The following TRAPPC9 variants were observed in gnomAD, a reference collection of about 807,000 sequenced individuals.
The protein encoded by TRAPPC9 is trafficking protein particle complex subunit 9, also known as IKK2 binding protein.
Under a neutral mutation model 124.0 loss-of-function variants are expected in TRAPPC9, and 83 were observed. The ratio of observed to expected loss-of-function variants is 0.67; its 90% CI spans 0.56 to 0.80. The LOEUF (loss-of-function observed/expected upper bound fraction) is 0.80, where lower values mean the gene tolerates loss of function less well. Ranked by LOEUF, TRAPPC9 falls within the 30% of genes least tolerant of loss-of-function variation. The pLI is 0.00. For missense variants in TRAPPC9, 1,302 were observed against 1,508.3 expected, an observed-to-expected ratio of 0.86 and a Z score of 2.27; for synonymous variants, 638 against 617.5, an observed-to-expected ratio of 1.03 and a Z score of -0.49.
At chr8:140,378,932 AG>A (rs755545713) in intron 7 of TRAPPC9, among the ~76,000 whole-genome samples, 13 of 152,114 alleles carry the variant, frequency 8.5e-5, no homozygotes, top group Non-Finnish European at 1.5e-4. Context: ...GCATTTTGAA[AG>A]ATGTTGGGGA....
At chr8:140,226,303 C>T (rs1373158052) in intron 16 of TRAPPC9, among the ~76,000 whole-genome samples, 1 of 152,064 alleles carries the variant, frequency 6.6e-6, no homozygotes, top group East Asian at 1.9e-4. Flanking sequence ...TATAAAGATC[C>T]AGCTATGGGC....
intron 9 of TRAPPC9, among the ~76,000 whole-genome samples, chr8:140,333,070 G>T (rs2066936517): frequency 6.6e-6 from 1 of 150,542 alleles, no homozygotes; most frequent in Non-Finnish European, 1.5e-5. Context: ...AGGTTGCAGT[G>T]AGCCGAGATC....
intron 9 of TRAPPC9, among the ~76,000 whole-genome samples, chr8:140,357,544 T>C (rs1336275305): frequency 6.6e-6 from 1 of 151,596 alleles, no homozygotes; most frequent in East Asian, 1.9e-4. Context: ...GTCCAGGCAC[T>C]ACCTCTTTAG....
intron 18 of TRAPPC9, among the ~76,000 whole-genome samples, chr8:140,023,475 C>A (rs543985126): frequency 7.9e-5 from 12 of 152,306 alleles, no homozygotes; most frequent in African/African-American, 2.6e-4. Flanking sequence ...CAGAAATGAC[C>A]TGATGCCAAG....
rs113990248 is a variant in TRAPPC9, at chr8:140,368,564, G to A, written c.1351+2400C>T. On this transcript the variant is annotated intron_variant, in intron 8 of 22. Transcript: ENST00000438773. Reference sequence around the variant, plus strand: ...CCTGAACACATCTGCTTCACGCAGGGCCTTAGCTCTTCCTGGCATAGCTTC... The same window carrying A: ...CCTGAACACATCTGCTTCACGCAGGACCTTAGCTCTTCCTGGCATAGCTTC... 4.6e-3 allele frequency among the ~76,000 whole-genome samples: 701 copies of A among 152,266 alleles called. 8 individuals carry two copies. The highest frequency in any genetic ancestry group is 0.016 in the African/African-American group (661 of 41,538).
rs548698796 is a variant in TRAPPC9 at position 140,153,978 on chromosome 8, C to T, written c.2556+67481G>A. On this transcript the variant is annotated intron_variant, in intron 17 of 22. Transcript: ENST00000438773. ...CTTGAACACCCTTCCCTACTATTTA[C>T]CTGGAAACCACCCAATCATTTTCTC... 2.6e-5 allele frequency among the ~76,000 whole-genome samples: 4 copies of T among 152,280 alleles called. No homozygotes were observed. In the South Asian group the frequency reaches 8.3e-4, roughly 32 times the overall value.
chr8:140,286,994 G>T (rs1476262246), intron 13 of TRAPPC9, among the ~76,000 whole-genome samples: 1 of 152,102 alleles, frequency 6.6e-6, no homozygotes, highest in African/African-American at 2.4e-5. Context: ...AAACAGAAGG[G>T]CCAGAGAGGC....
chr8:140,060,568 C>T (rs1402996417), intron 17 of TRAPPC9, among the ~76,000 whole-genome samples: 1 of 151,522 alleles, frequency 6.6e-6, no homozygotes, highest in African/African-American at 2.4e-5. Flanking sequence ...CCGTCCCAAC[C>T]CAGCCCTACC....
chr8:140,299,780 C>G (rs140684398), intron 11 of TRAPPC9, among the ~76,000 whole-genome samples: 10 of 152,328 alleles, frequency 6.6e-5, no homozygotes, highest in Non-Finnish European at 1.3e-4. Flanking sequence ...GCAGGAGGGA[C>G]GAGAGCTCAG....
chr8:140,263,593 C>T (rs1193757831), intron 15 of TRAPPC9, among the ~76,000 whole-genome samples: 2 of 152,174 alleles, frequency 1.3e-5, no homozygotes, highest in Non-Finnish European at 2.9e-5. Context: ...ATTTACCAAG[C>T]TCTAACTAAT....
intron 17 of TRAPPC9, among the ~76,000 whole-genome samples, chr8:140,188,552 A>C (rs2131063653): frequency 6.6e-6 from 1 of 151,622 alleles, no homozygotes; most frequent in Non-Finnish European, 1.5e-5. Flanking sequence ...AAAACTCCAA[A>C]CCCCTCCAAC....
At chr8:140,369,816 G>T (rs1173094752) in intron 8 of TRAPPC9, among the ~76,000 whole-genome samples, 2 of 152,142 alleles carry the variant, frequency 1.3e-5, no homozygotes, top group African/African-American at 4.8e-5. Flanking sequence ...GCTGGGCGTG[G>T]TAGCACGTGC....
At chr8:140,303,074 G>A (rs2066028819) in intron 10 of TRAPPC9, among the ~76,000 whole-genome samples, 1 of 152,106 alleles carries the variant, frequency 6.6e-6, no homozygotes, top group Non-Finnish European at 1.5e-5. Context: ...CTGAATTTGG[G>A]CCTCTAAACA....
intron 19 of TRAPPC9, among the ~76,000 whole-genome samples, chr8:139,941,964 G>A (rs768053936): frequency 6.6e-6 from 1 of 152,244 alleles, no homozygotes; most frequent in African/African-American, 2.4e-5. Context: ...AGAGACACAT[G>A]AGGGTGTATG....
chr8:140,451,038 G>C lies in TRAPPC9; in HGVS notation c.336C>G (p.Asp112Glu). 6.2e-7 allele frequency: 1 copy of C among 1,614,094 alleles called. No homozygotes were observed. Among genetic ancestry groups the C allele is most frequent in the Non-Finnish European group, 8.5e-7 (1 of 1,180,024 alleles). ...QKEIYGSTLY[D>E]SRLFVFGLQG... Reference sequence around the variant, plus strand: ...GCAGCCCGAAGACAAAGAGCCGGGAGTCATACAGTGTGGAGCCGTAGATCT... The same window carrying C: ...GCAGCCCGAAGACAAAGAGCCGGGACTCATACAGTGTGGAGCCGTAGATCT... The change falls in exon 2 of 23, where the codon GAC becomes GAG. Residue 112 changes from aspartate (D) to glutamate (E), a missense_variant. Physicochemically the swap from Asp to Glu is conservative, Grantham distance 45. This residue lies in a region of TRAPPC9 where 657 missense variants were observed against 811.2 expected (regional missense o/e 0.81). Coordinates refer to ENST00000438773, the MANE Select transcript of TRAPPC9 (RefSeq NM_001160372.4).
intron 17 of TRAPPC9, among the ~76,000 whole-genome samples, chr8:140,173,271 G>A (rs1563817225): frequency 6.6e-6 from 1 of 152,150 alleles, no homozygotes; most frequent in African/African-American, 2.4e-5. Context: ...GACATCTTCT[G>A]TGGCCGGGCA....
intron 5 of TRAPPC9, 29 bp downstream of exon 5, chr8:140,426,585 CA>C (rs769761438): frequency 6.6e-5 from 106 of 1,610,202 alleles, no homozygotes; most frequent in Non-Finnish European, 8.7e-5. Flanking sequence ...AAAAAATAAC[CA>C]AAAGAAACTA....
In TRAPPC9 at chr8:140,045,651, A is replaced by AAAC. The variant is rs1554614223; in HGVS notation, c.2557-21573_2557-21572insGTT. On this transcript the variant is annotated intron_variant, in intron 17 of 22. Transcript: ENST00000438773. ...CGGCAGAAAAAAAAAAAAAAAAAAA[A>AAAC]AAAAAAAACCAAGTCAGGTCCTTTG... Among the ~76,000 whole-genome samples the AAAC allele has an allele frequency of 9.1e-3, 356 of 39,050 alleles. 24 individuals carry two copies. Among genetic ancestry groups the AAAC allele is most frequent in the African/African-American group, 0.02 (338 of 16,918 alleles). The allele number at this position is 39,050 out of a possible 152,430, so 25.6% of individuals were successfully genotyped here.
intron 19 of TRAPPC9, among the ~76,000 whole-genome samples, chr8:139,987,838 C>A (rs1399371207): frequency 2.0e-5 from 3 of 152,152 alleles, no homozygotes; most frequent in African/African-American, 7.2e-5. Context: ...GCTCCACCTG[C>A]CTCCGGGCAA....
Sources: gnomAD v4.1 joint callset for allele counts (sites outside exome capture counted in the v4.1 genomes callset) on GRCh38, gnomAD v4.1.1 for gene constraint, gnomAD v4.1.1 regional missense constraint, MANE v1.5 for transcripts, NCBI Gene and HGNC (gene_info 2026-07-23, HGNC 2026-07-21) for gene names.